FAAP20: variants seen among roughly 807,000 people sequenced by gnomAD.
FAAP20 encodes the protein Fanconi anemia core complex-associated protein 20.
FAAP20 carries 12 observed loss-of-function variants against 16.2 expected under a neutral mutation model. That is an observed-to-expected ratio of 0.74 (90% CI 0.48 to 1.20). The LOEUF is 1.20. Ranked by LOEUF, FAAP20 falls within the 50% of genes most tolerant of loss-of-function variation. The pLI, the probability that FAAP20 is intolerant of heterozygous loss-of-function variation, is 0.00. For missense variants in FAAP20, 288 were observed against 245.8 expected (o/e 1.17, Z -1.15); for synonymous variants, 141 against 110.7 (o/e 1.27, Z -1.72).
chr1:2,189,088 A>C (rs981672568), downstream of FAAP20, among the ~76,000 whole-genome samples: 2 of 150,886 alleles, frequency 1.3e-5, no homozygotes, highest in African/African-American at 4.9e-5. Flanking sequence ...CCAGCACTTC[A>C]GGAAGCCAAG....
downstream of FAAP20, chr1:2,187,127 C>G (rs937554693): frequency 2.1e-6 from 1 of 467,630 alleles, no homozygotes; most frequent in Non-Finnish European, 4.4e-6. Flanking sequence ...CCATGGAGCC[C>G]GTGGCTGGCC....
At position 2,189,775 on chromosome 1, in the gene FAAP20, G is replaced by C. The variant is rs774483049; in HGVS notation, c.477C>G (p.Thr159=). The change falls in exon 4 of 4, where the codon ACC becomes ACG. Residue 159 remains threonine (T), a synonymous_variant. Coordinates refer to ENST00000378546, the MANE Select transcript of FAAP20 (RefSeq NM_182533.4). ...MCQKEFAPRL[T]QLDVDSHLAQ... ...CCAGGTGGCTGTCAACATCCAGCTGGGTCAGCCTGCAAGGGAGGGGCCACA... is the reference window on the plus strand; with the variant it reads ...CCAGGTGGCTGTCAACATCCAGCTGCGTCAGCCTGCAAGGGAGGGGCCACA... 5.0e-6 allele frequency: 8 copies of C among 1,612,192 alleles called. No individual in the cohort carries two copies. The highest frequency in any genetic ancestry group is 4.2e-6 in the Non-Finnish European group (5 of 1,179,170).
chr1:2,201,407 G>A (rs1340135446), upstream of FAAP20, among the ~76,000 whole-genome samples: 6 of 152,212 alleles, frequency 3.9e-5, no homozygotes, highest in African/African-American at 9.6e-5. Flanking sequence ...TCATCTGGTA[G>A]AATTGCTGAC....
intron 3 of FAAP20, chr1:2,190,100 CG>C: frequency 1.8e-6 from 1 of 550,908 alleles, no homozygotes; most frequent in Non-Finnish European, 3.5e-6. Context: ...TCGTGGAGCC[CG>C]GCAGACAGGC....
chr1:2,189,100 C>G (rs1209136808), downstream of FAAP20, among the ~76,000 whole-genome samples: 2 of 151,108 alleles, frequency 1.3e-5, no homozygotes, highest in African/African-American at 4.9e-5. Context: ...GAAGCCAAGG[C>G]GGGAGGATCG....
chr1:2,193,374 G>A (rs928799467), intron 3 of FAAP20: 5 of 565,420 alleles, frequency 8.8e-6, no homozygotes, highest in African/African-American at 1.9e-5. Flanking sequence ...AGGTGGACCC[G>A]GGGCCAGTGC....
chr1:2,202,238 C>A (rs1438454214), upstream of FAAP20, among the ~76,000 whole-genome samples: 2 of 152,176 alleles, frequency 1.3e-5, no homozygotes, highest in African/African-American at 4.8e-5. Context: ...CTACCAGGTA[C>A]CCGAGGAGGA....
downstream of FAAP20, among the ~76,000 whole-genome samples, chr1:2,211,399 T>TTATATATATATATATATATATATATATA (rs1158545722): frequency 4.8e-5 from 1 of 21,002 alleles, no homozygotes; most frequent in Non-Finnish European, 8.3e-5. Context: ...CTGGCTAATT[T>TTATATATATATATATATATATATATATA]TATATATATA....
chr1:2,196,374 C>A (rs1451868120), upstream of FAAP20, among the ~76,000 whole-genome samples: 2 of 152,132 alleles, frequency 1.3e-5, no homozygotes, highest in Non-Finnish European at 2.9e-5. The surrounding 1 kb of genome is among the most constrained non-coding windows in gnomAD (Gnocchi z 4.5). Flanking sequence ...CCAGCCTGGG[C>A]AACATGGCAA....
intron 3 of FAAP20, 166 bp downstream of exon 3, chr1:2,193,473 A>G: frequency 8.9e-7 from 1 of 1,127,040 alleles, no homozygotes; most frequent in Non-Finnish European, 1.2e-6. Flanking sequence ...GACCCGTGAC[A>G]GAGAGCCACC....
At chr1:2,198,589 T>G, upstream of FAAP20, 1 of 1,020,028 alleles carries the variant, frequency 9.8e-7, no homozygotes, top group Non-Finnish European at 1.3e-6. Flanking sequence ...GCCCTGAGGC[T>G]GGCAGGCCTA....
intron 3 of FAAP20, 54 bp from the exon 4 acceptor site, chr1:2,189,835 G>A (rs1687973905): frequency 7.2e-7 from 1 of 1,386,194 alleles, no homozygotes; most frequent in South Asian, 1.2e-5. Context: ...GCTGGCCGCA[G>A]AGAGCACCGT....
chr1:2,210,320 G>A (rs1028563924), downstream of FAAP20, among the ~76,000 whole-genome samples: 1 of 152,234 alleles, frequency 6.6e-6, no homozygotes, highest in Non-Finnish European at 1.5e-5. Context: ...ACCTGCTGAG[G>A]GTCCTCTTTT....
chr1:2,188,541 C>T (rs1466787344), downstream of FAAP20, among the ~76,000 whole-genome samples: 2 of 152,182 alleles, frequency 1.3e-5, no homozygotes, highest in African/African-American at 4.8e-5. Flanking sequence ...CATTATGGGG[C>T]ACTAATCCCA....
downstream of FAAP20, chr1:2,184,943 CCAGT>C: frequency 6.2e-7 from 1 of 1,613,926 alleles, no homozygotes; most frequent in Non-Finnish European, 8.5e-7. Context: ...AGAGGATCGA[CCAGT>C]CAGAGTTCGA....
upstream of FAAP20, among the ~76,000 whole-genome samples, chr1:2,197,389 G>C (rs1046535255): frequency 2.6e-5 from 4 of 152,222 alleles, no homozygotes; most frequent in African/African-American, 7.2e-5. Flanking sequence ...ACCCAGACCC[G>C]GGACACCTGC....
upstream of FAAP20, chr1:2,198,982 C>T (rs1208107909): frequency 7.8e-7 from 1 of 1,286,656 alleles, no homozygotes; most frequent in Non-Finnish European, 1.0e-6. Context: ...TGCTCGGGCC[C>T]ACACATGGGG....
At chr1:2,184,994 C>T (rs116408566), downstream of FAAP20, 638 of 1,613,126 alleles carry the variant, frequency 4.0e-4, 2 homozygotes, top group African/African-American at 7.2e-3. Flanking sequence ...TGCTGTCCAC[C>T]GAGGAGTCGG....
At chr1:2,191,334 G>A (rs1356185229) in intron 3 of FAAP20, 3 of 152,468 alleles carry the variant, frequency 2.0e-5, no homozygotes, top group Non-Finnish European at 2.9e-5. Context: ...AGGCCAGCCC[G>A]GCTGCAGGAC....
Sources: gnomAD v4.1 joint callset for allele counts (sites outside exome capture counted in the v4.1 genomes callset) on GRCh38, gnomAD v4.1.1 for gene constraint, Gnocchi (gnomAD v3.1) non-coding constraint, MANE v1.5 for transcripts, NCBI Gene and HGNC (gene_info 2026-07-23, HGNC 2026-07-21) for gene names.